The following THRB variants were observed in gnomAD, a reference collection of about 807,000 sequenced individuals.
THRB encodes the protein thyroid hormone receptor beta.
A neutral mutation model predicts 47.8 loss-of-function variants in THRB; 12 were observed. The ratio of observed to expected loss-of-function variants is 0.25; its 90% CI spans 0.16 to 0.41. The LOEUF (loss-of-function observed/expected upper bound fraction) is 0.41, where lower values mean the gene tolerates loss of function less well. THRB is among the 10% of genes least tolerant of loss of function. THRB has a pLI of 1.00. For synonymous variants in THRB, 218 were observed against 212.2 expected (o/e 1.03, Z -0.24); for missense variants, 348 against 589.2 (o/e 0.59, Z 4.24).
intron 5 of THRB, among the ~76,000 whole-genome samples, chr3:24,167,802 TCAA>T (rs2039845351): frequency 6.6e-6 from 1 of 152,116 alleles, no homozygotes; most frequent in Admixed American, 6.6e-5. Flanking sequence ...AATCAGAGAC[TCAA>T]CTTTTATTCC....
At chr3:24,258,134 C>T (rs2051504640) in intron 3 of THRB, among the ~76,000 whole-genome samples, 1 of 152,162 alleles carries the variant, frequency 6.6e-6, no homozygotes, top group South Asian at 2.1e-4. Flanking sequence ...TGAAAGGAAG[C>T]ATGCCAAGAG....
At chr3:24,241,829 CTCTGA>C (rs2049541694) in intron 3 of THRB, among the ~76,000 whole-genome samples, 1 of 152,138 alleles carries the variant, frequency 6.6e-6, no homozygotes, top group South Asian at 2.1e-4. Context: ...GAGTTATAAA[CTCTGA>C]AGGTGGGGTT....
chr3:24,400,680 A>G (rs1424345775), intron 1 of THRB, among the ~76,000 whole-genome samples: 1 of 152,044 alleles, frequency 6.6e-6, no homozygotes, highest in Non-Finnish European at 1.5e-5. Context: ...AGGTCTATAT[A>G]TATTTCATTG....
chr3:24,355,961 T>G (rs1434161975), intron 1 of THRB, among the ~76,000 whole-genome samples: 1 of 152,154 alleles, frequency 6.6e-6, no homozygotes, highest in Non-Finnish European at 1.5e-5. Context: ...GAGTCTCATC[T>G]AAATATCATC....
intron 3 of THRB, among the ~76,000 whole-genome samples, chr3:24,279,718 C>T (rs542390543): frequency 4.5e-4 from 68 of 152,170 alleles, no homozygotes; most frequent in Non-Finnish European, 9.0e-4. Flanking sequence ...TCTTGTTCTA[C>T]TTTTAGATCA....
chr3:24,172,050 C>A (rs2040507676), intron 5 of THRB, among the ~76,000 whole-genome samples: 2 of 152,206 alleles, frequency 1.3e-5, no homozygotes, highest in Admixed American at 6.5e-5. Flanking sequence ...GAGATTCACA[C>A]ACACACAACT....
intron 3 of THRB, among the ~76,000 whole-genome samples, chr3:24,258,014 C>T (rs1667746): frequency 0.78 from 118,767 of 152,182 alleles, 47,321 homozygotes; most frequent in African/African-American, 0.94. Context: ...CTGTAGTTTT[C>T]TGAGATCAAA....
At chr3:24,204,184 T>A (rs1394828167) in intron 4 of THRB, among the ~76,000 whole-genome samples, 1 of 152,218 alleles carries the variant, frequency 6.6e-6, no homozygotes, top group African/African-American at 2.4e-5. Context: ...GTTTGATATC[T>A]GAAAACAGAC....
At position 24,120,735 on chromosome 3, in the gene THRB, C is replaced by G. The variant is rs2031533171; in HGVS notation, c.*2149G>C. 1 of 152,220 alleles carries G rather than the reference C, an allele frequency of 6.6e-6. No homozygotes were observed. Among genetic ancestry groups the G allele is most frequent in the Non-Finnish European group, 1.5e-5 (1 of 68,056 alleles). 9.4% of individuals were successfully genotyped at this position (152,220 alleles called of 1,614,324 possible). ...ATTAAGGAGCCTGGCCAGAGGCTGC[C>G]TAGACAAAACCAAACCCCAAAACAA... On this transcript the variant is annotated 3_prime_UTR_variant, in exon 11 of 11. Coordinates refer to ENST00000646209, the MANE Select transcript of THRB (RefSeq NM_001354712.2).
intron 7 of THRB, chr3:24,144,359 G>A (rs1312851612): frequency 6.5e-6 from 1 of 152,828 alleles, no homozygotes; most frequent in African/African-American, 2.4e-5. Flanking sequence ...CCAGGCTTTG[G>A]AATCTAGAAA....
At chr3:24,389,106 T>C (rs1473392870) in intron 1 of THRB, among the ~76,000 whole-genome samples, 1 of 152,200 alleles carries the variant, frequency 6.6e-6, no homozygotes, top group African/African-American at 2.4e-5. Context: ...AGAAAGAAGC[T>C]GATCTCTCCT....
At chr3:24,473,572 A>G (rs554199273) in intron 1 of THRB, among the ~76,000 whole-genome samples, 2 of 152,368 alleles carry the variant, frequency 1.3e-5, no homozygotes, top group East Asian at 3.9e-4. Flanking sequence ...CATTTGACCC[A>G]GCAATCCCAT....
At chr3:24,425,500 T>C (rs535714805) in intron 1 of THRB, among the ~76,000 whole-genome samples, 3 of 152,082 alleles carry the variant, frequency 2.0e-5, no homozygotes, top group Admixed American at 6.6e-5. Context: ...TTACCAACAA[T>C]TGGAGGTAAG....
At chr3:24,471,956 G>A (rs1379058876) in intron 1 of THRB, among the ~76,000 whole-genome samples, 2 of 152,132 alleles carry the variant, frequency 1.3e-5, no homozygotes, top group African/African-American at 4.8e-5. Flanking sequence ...AGAAGAATAT[G>A]GCCTGGAAGC....
chr3:24,228,829 G>A, intron 4 of THRB, 109 bp downstream of exon 4: 1 of 1,016,758 alleles, frequency 9.8e-7, no homozygotes, highest in South Asian at 1.4e-5. Flanking sequence ...TATTGGTTTG[G>A]AAATAACGGT....
intron 1 of THRB, among the ~76,000 whole-genome samples, chr3:24,476,561 G>C (rs552113748): frequency 5.9e-5 from 9 of 152,266 alleles, no homozygotes; most frequent in Non-Finnish European, 1.3e-4. Flanking sequence ...AAAATTAGTT[G>C]CAAGTTTGTA....
In THRB at chr3:24,243,198, C is replaced by T. The variant is rs1045974996; in HGVS notation, c.-42-14197G>A. 3.9e-5 allele frequency among the ~76,000 whole-genome samples: 6 copies of T among 152,060 alleles called. No homozygotes were observed. The East Asian group carries it at 1.2e-3, about 29-fold the overall frequency. ...CTGATGCCCAGCCAAGATTGAGAGC[C>T]ACTTAGGTTTAGAGGCCCTAAAGTA... is the stretch of plus-strand genomic sequence containing the variant. On this transcript the variant is annotated intron_variant, in intron 3 of 10. Coordinates refer to ENST00000646209, the MANE Select transcript of THRB (RefSeq NM_001354712.2).
At chr3:24,338,832 G>A (rs1390382690) in intron 1 of THRB, among the ~76,000 whole-genome samples, 1 of 152,080 alleles carries the variant, frequency 6.6e-6, no homozygotes, top group Admixed American at 6.5e-5. Flanking sequence ...CAACATTAAG[G>A]TAGACTTTGG....
In THRB at chr3:24,427,980, T is replaced by A. The variant is rs1316745775; in HGVS notation, c.-261+66672A>T. 3.3e-5 allele frequency among the ~76,000 whole-genome samples: 5 copies of A among 152,020 alleles called. No individual in the cohort carries two copies. In the East Asian group the frequency reaches 9.7e-4, roughly 29 times the overall value. ...GTTCAAACTAGGAAGGTTTGCATAC[T>A]TGCTCCAGCTTATGTGCCTTTAATC... On this transcript the variant is annotated intron_variant, in intron 1 of 10. Coordinates refer to ENST00000646209, the MANE Select transcript of THRB (RefSeq NM_001354712.2).
Sources: gnomAD v4.1 joint callset for allele counts (sites outside exome capture counted in the v4.1 genomes callset) on GRCh38, gnomAD v4.1.1 for gene constraint, MANE v1.5 for transcripts, NCBI Gene and HGNC (gene_info 2026-07-23, HGNC 2026-07-21) for gene names.